Variants in DCLRE1B observed in about 807,000 individuals in gnomAD.
The protein encoded by DCLRE1B is 5' exonuclease Apollo.
A neutral mutation model predicts 19.8 loss-of-function variants in DCLRE1B; 6 were observed. The ratio of observed to expected loss-of-function variants is 0.30; its 90% CI spans 0.17 to 0.60. The LOEUF is 0.60. Among genes scored for constraint, DCLRE1B ranks in the 20% least tolerant of loss-of-function variants. The pLI is 0.87. For synonymous variants in DCLRE1B, 258 were observed against 255.7 expected, an observed-to-expected ratio of 1.01 and a Z score of -0.09; for missense variants, 622 against 654.2, an observed-to-expected ratio of 0.95 and a Z score of 0.54.
At chr1:113,904,858 C>G (rs1433072666), upstream of DCLRE1B, 2 of 768,774 alleles carry the variant, frequency 2.6e-6, no homozygotes, top group African/African-American at 3.4e-5. Context: ...GGCTCGGCTT[C>G]CGTAGGGCCG....
chr1:113,911,623 TA>T lies in DCLRE1B; in HGVS notation c.1034del (p.Lys345ArgfsTer78). 1.3e-6 allele frequency: 2 copies of T among 1,599,712 alleles called. No homozygotes were observed. Among genetic ancestry groups the T allele is most frequent in the Non-Finnish European group, 1.7e-6 (2 of 1,172,946 alleles). The part of the protein sequence containing the change: ...PSLLWLLERR[L>X]KRPRTQGVVF... ...CTTCTCTGGCTGTTAGAAAGGAGGC[TA>T]AAGAGGCCGAGAACCCAAGGTGTTG... is the stretch of plus-strand genomic sequence containing the variant. On this transcript the variant is annotated frameshift_variant, in exon 4 of 4. Transcript: ENST00000650450. LOFTEE classifies it low-confidence loss of function (END_TRUNC).
Position 113,911,229 on chromosome 1 carries a change from C to T in DCLRE1B, c.637C>T (p.Leu213=), listed in dbSNP as rs1264861826. 1 of 1,614,162 alleles carries T rather than the reference C, an allele frequency of 6.2e-7. No homozygotes were observed. Among genetic ancestry groups the T allele is most frequent in the East Asian group, 2.2e-5 (1 of 44,888 alleles). The change falls in exon 4 of 4, where the codon CTA becomes TTA. Residue 213 remains leucine (L), a synonymous_variant. Transcript: ENST00000650450. Reference sequence around the variant, plus strand: ...TCCTCGGCGCCTGGAGTTGGTACAGCTACTGGGCCTGGCAGATGTGTTCAC... The same window carrying T: ...TCCTCGGCGCCTGGAGTTGGTACAGTTACTGGGCCTGGCAGATGTGTTCAC... ...LSPRRLELVQ[L]LGLADVFTVE...
upstream of DCLRE1B, chr1:113,904,626 T>C: frequency 6.2e-7 from 1 of 1,613,894 alleles, no homozygotes; most frequent in Non-Finnish European, 8.5e-7. Context: ...CTGGATGACA[T>C]TCCGGTAGCG....
In DCLRE1B at chr1:113,912,438, G is replaced by A. The variant is rs1482948377; in HGVS notation, c.*247G>A. ...TATAAAATCTTTGGAGTATGCGTGA[G>A]CAAATTAAAAGTTCTTTGAAGTCCT... On this transcript the variant is annotated 3_prime_UTR_variant, in exon 4 of 4. Coordinates refer to ENST00000650450, the MANE Select transcript of DCLRE1B (RefSeq NM_022836.4). 2 of 385,270 alleles carry A rather than the reference G, an allele frequency of 5.2e-6. No homozygotes were observed. The highest frequency in any genetic ancestry group is 9.2e-6 in the Non-Finnish European group (2 of 216,290). 23.9% of individuals were successfully genotyped at this position (385,270 alleles called of 1,614,324 possible).
chr1:113,907,206 T>G (rs1216545384), intron 2 of DCLRE1B, 45 bp downstream of exon 2: 6 of 558,702 alleles, frequency 1.1e-5, no homozygotes, highest in East Asian at 2.2e-4. Context: ...GACTAGATGT[T>G]TTTTTTTTTT....
chr1:113,908,322 A>C, intron 3 of DCLRE1B, 131 bp downstream of exon 3: 1 of 1,252,168 alleles, frequency 8.0e-7, no homozygotes, highest in East Asian at 2.5e-5. Context: ...TAAAATTGCA[A>C]CCTGGCTAGG....
Position 113,905,433 on chromosome 1 carries a change from T to C in DCLRE1B, c.-154T>C, listed in dbSNP as rs570262527. ...GGTGACTTCCTTTTTCTGCCCACTC[T>C]GGTAACTTATTGCTCTGCTGGGCTC... On this transcript the variant is annotated 5_prime_UTR_variant, in exon 1 of 4. Coordinates refer to ENST00000650450, the MANE Select transcript of DCLRE1B (RefSeq NM_022836.4). 1 of 755,252 alleles carries C rather than the reference T, an allele frequency of 1.3e-6. No individual in the cohort carries two copies. Among genetic ancestry groups the C allele is most frequent in the Non-Finnish European group, 2.1e-6 (1 of 469,598 alleles). The allele number at this position is 755,252 out of a possible 1,614,324, so 46.8% of individuals were successfully genotyped here.
chr1:113,913,668 C>G lies in DCLRE1B; in HGVS notation c.*1477C>G, dbSNP rs1202772923. On this transcript the variant is annotated 3_prime_UTR_variant, in exon 4 of 4. Coordinates refer to ENST00000650450, the MANE Select transcript of DCLRE1B (RefSeq NM_022836.4). ...AATAATTGGTAAAATTCTCCTAGCT[C>G]AGTGACTGCCACAGGATGGGTCTTT... The G allele has an allele frequency of 6.5e-6, 1 of 152,680 alleles. No homozygotes were observed. Among genetic ancestry groups the G allele is most frequent in the Non-Finnish European group, 1.5e-5 (1 of 68,032 alleles). The allele number at this position is 152,680 out of a possible 1,614,324, so 9.5% of individuals were successfully genotyped here. A position where few individuals can be genotyped will look rare whatever the true frequency, so the allele number is the denominator to read the frequency against.
At chr1:113,907,225 T>A in intron 2 of DCLRE1B, 64 bp downstream of exon 2, 1 of 1,332,056 alleles carries the variant, frequency 7.5e-7, no homozygotes, top group Non-Finnish European at 9.9e-7. Context: ...TTTTTTTTTT[T>A]TTTTTTTTTA....
Position 113,911,780 on chromosome 1 carries a change from C to G in DCLRE1B, c.1188C>G (p.Ile396Met), listed in dbSNP as rs769393520. ...AGCCTTCCCACCATCCTTTGCGGATCAAGAAGCAGTTGTTCCCAGATCTCT... is the reference window on the plus strand; with the variant it reads ...AGCCTTCCCACCATCCTTTGCGGATGAAGAAGCAGTTGTTCCCAGATCTCT... ...EKQPSHHPLR[I>M]KKQLFPDLYS... The change falls in exon 4 of 4, where the codon ATC (isoleucine) becomes ATG (methionine). Residue 396 changes from isoleucine (I) to methionine (M), a missense_variant. Physicochemically the swap from Ile to Met is conservative, Grantham distance 10. Coordinates refer to ENST00000650450, the MANE Select transcript of DCLRE1B (RefSeq NM_022836.4). 8.1e-5 allele frequency: 130 copies of G among 1,614,092 alleles called. No homozygotes were observed. The highest frequency in any genetic ancestry group is 4.7e-4 in the Admixed American group (28 of 60,012).
chr1:113,907,430 A>C (rs527976740), intron 2 of DCLRE1B, among the ~76,000 whole-genome samples: 5 of 151,686 alleles, frequency 3.3e-5, no homozygotes, highest in African/African-American at 7.3e-5. Flanking sequence ...ATCACATATG[A>C]GCATAGTGAC....
Position 113,911,932 on chromosome 1 carries a change from C to A in DCLRE1B, c.1340C>A (p.Thr447Asn), listed in dbSNP as rs1190521134. ...GATGAGGAGTTTATTTCTCAAAAAA[C>A]CAGGGAGGAAATTGGTTTAGGGTCC... The part of the protein sequence containing the change: ...STDEEFISQK[T>N]REEIGLGSPL... Residue 447 changes from threonine to asparagine, a missense_variant, in exon 4 of 4, where the codon ACC (threonine) becomes AAC (asparagine). Transcript: ENST00000650450. 1 of 1,613,966 alleles carries A rather than the reference C, an allele frequency of 6.2e-7. No homozygotes were observed. Among genetic ancestry groups the A allele is most frequent in the African/African-American group, 1.3e-5 (1 of 74,862 alleles).
rs1283947720 is a variant in DCLRE1B at position 113,905,753 on chromosome 1, A to G, written c.167A>G (p.His56Arg). The G allele has an allele frequency of 1.2e-6, 2 of 1,613,120 alleles. No homozygotes were observed. The highest frequency in any genetic ancestry group is 2.2e-5 in the East Asian group (1 of 44,820). ...RPLYCSPITA[H>R]LLHRHLQVSK... ...CTCTACTGCTCCCCAATTACAGCCCACCTCTTGCATCGTCACCTACAGGTA... is the reference window on the plus strand; with the variant it reads ...CTCTACTGCTCCCCAATTACAGCCCGCCTCTTGCATCGTCACCTACAGGTA... Residue 56 changes from histidine to arginine, a missense_variant, in exon 1 of 4, where the codon CAC (histidine) becomes CGC (arginine). Transcript: ENST00000650450.
chr1:113,906,780 A>G (rs1452443527), intron 1 of DCLRE1B, among the ~76,000 whole-genome samples: 1 of 152,208 alleles, frequency 6.6e-6, no homozygotes, highest in Non-Finnish European at 1.5e-5. Flanking sequence ...GGCGTGAGCC[A>G]CCACGCCCGG....
rs748419271 is a variant in DCLRE1B, at chr1:113,912,158, C to T, written c.1566C>T (p.Asp522=). 1.2e-6 allele frequency: 2 copies of T among 1,613,698 alleles called. No individual in the cohort carries two copies. The highest frequency in any genetic ancestry group is 2.2e-5 in the South Asian group (2 of 91,064). ...FQAGYSSRRF[D]QQVEKYHKPC ...CAGGGTATTCTTCCAGGAGATTTGA[C>T]CAGCAAGTGGAAAAATACCATAAAC... The change falls in exon 4 of 4, where the codon GAC becomes GAT. Residue 522 remains aspartate (D), a synonymous_variant. Transcript: ENST00000650450.
chr1:113,911,206 C>T lies in DCLRE1B; in HGVS notation c.614C>T (p.Pro205Leu), dbSNP rs747277233. 3 of 1,614,144 alleles carry T rather than the reference C, an allele frequency of 1.9e-6. No homozygotes were observed. The highest frequency in any genetic ancestry group is 4.5e-5 in the East Asian group (2 of 44,872). The change falls in exon 4 of 4, where the codon CCT (proline) becomes CTT (leucine). Residue 205 changes from proline (P) to leucine (L), a missense_variant. Physicochemically the swap from Pro to Leu is moderately conservative, Grantham distance 98 (BLOSUM62 -3). Coordinates refer to ENST00000650450, the MANE Select transcript of DCLRE1B (RefSeq NM_022836.4). ...TTTCAGACCTGGGTGGTATTGAGTC[C>T]TCGGCGCCTGGAGTTGGTACAGCTA... ...LEFQTWVVLS[P>L]RRLELVQLLG...
intron 3 of DCLRE1B, among the ~76,000 whole-genome samples, chr1:113,910,404 T>G (rs1042311269): frequency 6.6e-6 from 1 of 152,216 alleles, no homozygotes; most frequent in African/African-American, 2.4e-5. Context: ...CACTATACCC[T>G]TTCTACCCTT....
chr1:113,908,758 CTTG>C (rs535024102), intron 3 of DCLRE1B, among the ~76,000 whole-genome samples: 117 of 152,132 alleles, frequency 7.7e-4, no homozygotes, highest in Admixed American at 2.2e-3. Context: ...CTATTGCTTA[CTTG>C]TTGTCTATCA....
At chr1:113,908,985 C>T (rs892921518) in intron 3 of DCLRE1B, among the ~76,000 whole-genome samples, 9 of 152,328 alleles carry the variant, frequency 5.9e-5, no homozygotes, top group Non-Finnish European at 1.2e-4. Flanking sequence ...ATCCTAAACC[C>T]AACCAAGAGC....
Sources: allele counts gnomAD v4.1 joint callset (sites outside exome capture counted in the v4.1 genomes callset), GRCh38; gene constraint gnomAD v4.1.1; transcripts MANE v1.5; gene names NCBI Gene and HGNC (gene_info 2026-07-23, HGNC 2026-07-21).